The following PARD3 variants were observed in gnomAD, a reference collection of about 807,000 sequenced individuals.
PARD3 encodes partitioning defective 3 homolog.
A neutral mutation model predicts 155.4 loss-of-function variants in PARD3; 75 were observed. The observed-to-expected ratio is 0.48, with a 90% CI of 0.40 to 0.58. PARD3 has a LOEUF of 0.58. Ranked by LOEUF, PARD3 falls within the 20% of genes least tolerant of loss-of-function variation. The pLI, the probability that PARD3 is intolerant of heterozygous loss-of-function variation, is 0.00. For synonymous variants in PARD3, 576 were observed against 610.5 expected, an observed-to-expected ratio of 0.94 and a Z score of 0.83; for missense variants, 1,642 against 1,721.7, an observed-to-expected ratio of 0.95 and a Z score of 0.82.
chr10:34,672,415 A>G (rs1407583347), intron 2 of PARD3, among the ~76,000 whole-genome samples: 1 of 152,220 alleles, frequency 6.6e-6, no homozygotes, highest in Admixed American at 6.5e-5. Context: ...ATTCATTCTG[A>G]TCTTACAGAA....
At chr10:34,798,659 G>A (rs901211217) in intron 1 of PARD3, among the ~76,000 whole-genome samples, 11 of 133,084 alleles carry the variant, frequency 8.3e-5, no homozygotes, top group African/African-American at 3.3e-4. Flanking sequence ...GAGCCGAGAT[G>A]TCGCCATTGC....
At position 34,337,382 on chromosome 10, in the gene PARD3, T is replaced by C; in HGVS notation, c.2453A>G (p.Glu818Gly). Residue 818 changes from glutamate (E) to glycine (G), a missense_variant, in exon 17 of 25, where the codon GAA becomes GGA. This residue lies in a region of PARD3 where 1,529 missense variants were observed against 1,587.3 expected (regional missense o/e 0.96). Coordinates refer to ENST00000374788, the MANE Select transcript of PARD3 (RefSeq NM_001184785.2). ...TGACATACTCTGACGTCCAAATCCT[T>C]CTCGTTGAAAAGCAAGAACTGGATC... Reference protein sequence around the residue: ...DVDPVLAFQREGFGRQSMSEK... With the variant: ...DVDPVLAFQRGGFGRQSMSEK... 1 of 1,601,966 alleles carries C rather than the reference T, an allele frequency of 6.2e-7. No homozygotes were observed. Among genetic ancestry groups the C allele is most frequent in the South Asian group, 1.1e-5 (1 of 89,098 alleles).
intron 2 of PARD3, among the ~76,000 whole-genome samples, chr10:34,661,812 A>T (rs1421820852): frequency 6.6e-6 from 1 of 152,224 alleles, no homozygotes; most frequent in Non-Finnish European, 1.5e-5. Flanking sequence ...ATGAGATAAG[A>T]GGCTCTGACT....
chr10:34,249,490 C>G (rs376624276), intron 22 of PARD3, among the ~76,000 whole-genome samples: 14 of 152,288 alleles, frequency 9.2e-5, no homozygotes, highest in African/African-American at 2.9e-4. Flanking sequence ...TGAAAAATAC[C>G]TATTTACACA....
chr10:34,630,614 C>T (rs980150521), intron 2 of PARD3, among the ~76,000 whole-genome samples: 11 of 151,338 alleles, frequency 7.3e-5, no homozygotes. Context: ...CCATGCCTGG[C>T]TAATTTTTGT....
At chr10:34,790,671 A>G (rs774920054) in intron 1 of PARD3, among the ~76,000 whole-genome samples, 11 of 152,268 alleles carry the variant, frequency 7.2e-5, no homozygotes, top group Non-Finnish European at 1.3e-4. Context: ...AAAAAATTTT[A>G]AAAGATGAAA....
intron 2 of PARD3, among the ~76,000 whole-genome samples, chr10:34,652,348 T>C (rs997330200): frequency 3.9e-5 from 6 of 152,204 alleles, no homozygotes; most frequent in Non-Finnish European, 7.4e-5. Flanking sequence ...AAAAGAATAA[T>C]GGCCCAAGAA....
At chr10:34,546,194 C>T (rs929971775) in intron 2 of PARD3, among the ~76,000 whole-genome samples, 2 of 152,036 alleles carry the variant, frequency 1.3e-5, no homozygotes, top group Non-Finnish European at 2.9e-5. Context: ...GAAGTTAACA[C>T]TCTTTTTTTT....
chr10:34,691,217 C>A (rs1451573164), intron 2 of PARD3, among the ~76,000 whole-genome samples: 1 of 152,150 alleles, frequency 6.6e-6, no homozygotes, highest in Non-Finnish European at 1.5e-5. Flanking sequence ...CCAAAAGCTC[C>A]TTGATCTGAT....
chr10:34,162,351 T>A, intron 22 of PARD3, among the ~76,000 whole-genome samples: 1 of 152,216 alleles, frequency 6.6e-6, no homozygotes, highest in Non-Finnish European at 1.5e-5. Context: ...AGGATCCCTC[T>A]TTTTGCTGAG....
At chr10:34,782,607 A>ACAGTGTTTTAT (rs1278300872) in intron 1 of PARD3, among the ~76,000 whole-genome samples, 1 of 152,160 alleles carries the variant, frequency 6.6e-6, no homozygotes, top group African/African-American at 2.4e-5. Context: ...TACACATAAA[A>ACAGTGTTTTAT]CACTGTTACC....
intron 3 of PARD3, among the ~76,000 whole-genome samples, chr10:34,495,848 A>C (rs80300327): frequency 6.6e-6 from 1 of 151,688 alleles, no homozygotes; most frequent in Non-Finnish European, 1.5e-5. Context: ...AAAAAAAAAA[A>C]ACAGTAAACA....
chr10:34,596,137 T>C (rs550191628), intron 2 of PARD3, among the ~76,000 whole-genome samples: 1 of 152,298 alleles, frequency 6.6e-6, no homozygotes, highest in Non-Finnish European at 1.5e-5. Flanking sequence ...AAGTTAAATG[T>C]GAGAGTCACT....
intron 16 of PARD3, among the ~76,000 whole-genome samples, chr10:34,341,272 G>C (rs755778789): frequency 1.4e-4 from 21 of 150,588 alleles, no homozygotes; most frequent in Non-Finnish European, 2.8e-4. Context: ...TCTAATTGTT[G>C]CCATCAATTT....
At chr10:34,344,637 TTAAG>T (rs1451230972) in intron 15 of PARD3, 1 of 985,268 alleles carries the variant, frequency 1.0e-6, no homozygotes, top group Non-Finnish European at 1.2e-6. Flanking sequence ...AGAAAAATGT[TTAAG>T]GCTTTTCAAA....
chr10:34,450,412 T>C lies in PARD3; in HGVS notation c.619A>G (p.Ser207Gly). Residue 207 changes from serine (S) to glycine (G), a missense_variant, in exon 5 of 25, where the codon AGT becomes GGT. By Grantham distance (56) the Ser-to-Gly change is moderately conservative. Transcript: ENST00000374788. ...ENYRSLPRDT[S>G]NWSNQFQRDN... is the part of the protein sequence containing the mutation. Reference sequence around the variant, plus strand: ...CTCTGAAATTGGTTAGACCAGTTACTAGTATCCCGCGGGAGGCTTCTGTAG... The same window carrying C: ...CTCTGAAATTGGTTAGACCAGTTACCAGTATCCCGCGGGAGGCTTCTGTAG... The C allele has an allele frequency of 6.2e-7, 1 of 1,613,856 alleles. No homozygotes were observed. Among genetic ancestry groups the C allele is most frequent in the Non-Finnish European group, 8.5e-7 (1 of 1,179,864 alleles).
chr10:34,530,953 C>T (rs2082804754), intron 2 of PARD3, among the ~76,000 whole-genome samples: 1 of 152,230 alleles, frequency 6.6e-6, no homozygotes, highest in East Asian at 1.9e-4. Context: ...CAGTCCCTTA[C>T]TGGCAAGGTA....
intron 19 of PARD3, among the ~76,000 whole-genome samples, chr10:34,321,270 T>C (rs1313432869): frequency 3.9e-5 from 6 of 152,156 alleles, no homozygotes; most frequent in Non-Finnish European, 7.4e-5. Context: ...ACTAGTAATA[T>C]ATCAGCAATA....
At chr10:34,648,876 T>C (rs1428303449) in intron 2 of PARD3, among the ~76,000 whole-genome samples, 3 of 152,164 alleles carry the variant, frequency 2.0e-5, no homozygotes, top group Non-Finnish European at 4.4e-5. Context: ...CCAGGAGTCC[T>C]GCTGTTCTCT....
Sources: gnomAD v4.1 joint callset for allele counts (sites outside exome capture counted in the v4.1 genomes callset) on GRCh38, gnomAD v4.1.1 for gene constraint, gnomAD v4.1.1 regional missense constraint, MANE v1.5 for transcripts, NCBI Gene and HGNC (gene_info 2026-07-23, HGNC 2026-07-21) for gene names.